Variants in ADGRL2 observed in about 807,000 individuals in gnomAD.
The protein encoded by ADGRL2 is calcium-independent alpha-latrotoxin receptor 2.
Under a neutral mutation model 157.4 loss-of-function variants are expected in ADGRL2, and 44 were observed. The ratio of observed to expected loss-of-function variants is 0.28; its 90% CI spans 0.22 to 0.36. The LOEUF (loss-of-function observed/expected upper bound fraction) is 0.36. Among genes scored for constraint, ADGRL2 ranks in the 10% least tolerant of loss-of-function variants. The probability of loss-of-function intolerance (pLI) is 1.00; values close to 1 mark genes in which losing one functional copy is unlikely to be tolerated. For synonymous variants in ADGRL2, 585 were observed against 624.7 expected, an observed-to-expected ratio of 0.94 and a Z score of 0.95; for missense variants, 1,510 against 1,768.9, an observed-to-expected ratio of 0.85 and a Z score of 2.63.
At chr1:81,684,477 A>G (rs1052134022) in intron 3 of ADGRL2, among the ~76,000 whole-genome samples, 1 of 151,522 alleles carries the variant, frequency 6.6e-6, no homozygotes, top group Admixed American at 6.6e-5. Context: ...TTTTGATGGG[A>G]TGGTTTGTTT....
In ADGRL2 at chr1:81,433,820, C is replaced by T. The variant is rs74963454; in HGVS notation, c.-301-11216C>T. Among the ~76,000 whole-genome samples the T allele has an allele frequency of 3.8e-3, 577 of 152,232 alleles. 1 individual carries two copies. The highest frequency in any genetic ancestry group is 0.017 in the Middle Eastern group (5 of 294). On this transcript the variant is annotated intron_variant, in intron 1 of 24. Coordinates refer to the ADGRL2 transcript ENST00000370721. ...TGTCCTCACTCAGGGTTCATAATTCCGGAGCAGTCAGATAGCAGCAGGAAC... is the reference window on the plus strand; with the variant it reads ...TGTCCTCACTCAGGGTTCATAATTCTGGAGCAGTCAGATAGCAGCAGGAAC...
intron 2 of ADGRL2, among the ~76,000 whole-genome samples, chr1:81,854,684 A>C (rs974719349): frequency 1.3e-5 from 2 of 152,166 alleles, no homozygotes; most frequent in Non-Finnish European, 2.9e-5. Flanking sequence ...TATGACACCT[A>C]AAGGGGAATC....
chr1:81,805,824 A>T (rs1296775892), intron 1 of ADGRL2, among the ~76,000 whole-genome samples: 2 of 152,206 alleles, frequency 1.3e-5, no homozygotes. Flanking sequence ...TGTTATAAAG[A>T]AAACAACATT....
chr1:81,612,662 C>G (rs966186933), intron 3 of ADGRL2, among the ~76,000 whole-genome samples: 10 of 151,480 alleles, frequency 6.6e-5, no homozygotes, highest in Non-Finnish European at 1.3e-4. Flanking sequence ...TATTTTCTGT[C>G]AGATGAGAAT....
At chr1:81,713,613 T>C (rs2084010479) in intron 1 of ADGRL2, among the ~76,000 whole-genome samples, 2 of 152,222 alleles carry the variant, frequency 1.3e-5, no homozygotes, top group South Asian at 4.1e-4. Flanking sequence ...AAGTTGATCT[T>C]ATTGTCCCCA....
intron 2 of ADGRL2, among the ~76,000 whole-genome samples, chr1:81,903,393 T>C (rs2094523621): frequency 6.6e-6 from 1 of 152,146 alleles, no homozygotes; most frequent in African/African-American, 2.4e-5. Context: ...ATAAATCTTG[T>C]TATTTTATCA....
intron 1 of ADGRL2, among the ~76,000 whole-genome samples, chr1:81,712,406 GA>G (rs2083960183): frequency 6.6e-6 from 1 of 152,090 alleles, no homozygotes; most frequent in Admixed American, 6.6e-5. Flanking sequence ...AACTAACACT[GA>G]AAAAAGGTGA....
intron 1 of ADGRL2, among the ~76,000 whole-genome samples, chr1:81,362,437 G>T: frequency 6.6e-6 from 1 of 151,608 alleles, no homozygotes; most frequent in African/African-American, 2.4e-5. Context: ...AGTTGGAAAT[G>T]CAAAGAAACT....
At chr1:81,776,917 A>G (rs2086610591) in intron 2 of ADGRL2, among the ~76,000 whole-genome samples, 1 of 152,202 alleles carries the variant, frequency 6.6e-6, no homozygotes, top group Admixed American at 6.5e-5. Flanking sequence ...TATTGCTAGC[A>G]GTAATTAACG....
At chr1:81,539,259 A>G (rs567519957) in intron 2 of ADGRL2, among the ~76,000 whole-genome samples, 1 of 151,828 alleles carries the variant, frequency 6.6e-6, no homozygotes, top group Admixed American at 6.6e-5. Flanking sequence ...CCTGTCCACT[A>G]AATTCCCTCC....
intron 1 of ADGRL2, among the ~76,000 whole-genome samples, chr1:81,397,822 T>C (rs1298465006): frequency 6.6e-6 from 1 of 152,208 alleles, no homozygotes; most frequent in Admixed American, 6.5e-5. Context: ...ATGTCTGGTA[T>C]TAGGTACATT....
At chr1:81,905,023 C>T (rs1041967129) in intron 2 of ADGRL2, among the ~76,000 whole-genome samples, 3 of 152,030 alleles carry the variant, frequency 2.0e-5, no homozygotes, top group Admixed American at 2.0e-4. Flanking sequence ...GATCTCTTTT[C>T]TCCAGTAGAT....
chr1:81,417,968 G>T (rs1161404138), intron 1 of ADGRL2, among the ~76,000 whole-genome samples: 1 of 152,112 alleles, frequency 6.6e-6, no homozygotes, highest in Non-Finnish European at 1.5e-5. Context: ...TTAAAAAAAT[G>T]TATTTTAAGG....
At chr1:81,856,892 A>G (rs1028044376) in intron 2 of ADGRL2, among the ~76,000 whole-genome samples, 3 of 152,162 alleles carry the variant, frequency 2.0e-5, no homozygotes, top group Non-Finnish European at 2.9e-5. Flanking sequence ...AATAATAAAC[A>G]TGTTTAATCA....
intron 3 of ADGRL2, among the ~76,000 whole-genome samples, chr1:81,687,759 G>T (rs1570836943): frequency 6.6e-6 from 1 of 152,152 alleles, no homozygotes; most frequent in South Asian, 2.1e-4. Context: ...TTGTTTTACA[G>T]GTCCTGGGTG....
chr1:81,811,689 A>G (rs2089888040), intron 1 of ADGRL2, among the ~76,000 whole-genome samples: 1 of 151,802 alleles, frequency 6.6e-6, no homozygotes, highest in African/African-American at 2.4e-5. Flanking sequence ...TTGAAATGAA[A>G]ATAGATTTTT....
chr1:81,668,283 G>A (rs992334577), intron 3 of ADGRL2, among the ~76,000 whole-genome samples: 1 of 151,956 alleles, frequency 6.6e-6, no homozygotes, highest in African/African-American at 2.4e-5. Context: ...AAATTAGTCG[G>A]ACATGGTGGA....
At chr1:81,831,420 T>G (rs2091936677) in intron 1 of ADGRL2, among the ~76,000 whole-genome samples, 1 of 152,194 alleles carries the variant, frequency 6.6e-6, no homozygotes, top group Non-Finnish European at 1.5e-5. Context: ...TCTTTTGGTG[T>G]TTCCTCACTT....
chr1:81,338,342 G>A (rs775963055), intron 1 of ADGRL2, among the ~76,000 whole-genome samples: 1 of 152,050 alleles, frequency 6.6e-6, no homozygotes, highest in East Asian at 1.9e-4. Flanking sequence ...CAGCCTGGGC[G>A]ACAGAGCAAG....
Sources: allele counts gnomAD v4.1 joint callset (sites outside exome capture counted in the v4.1 genomes callset), GRCh38; gene constraint gnomAD v4.1.1; transcripts MANE v1.5; gene names NCBI Gene and HGNC (gene_info 2026-07-23, HGNC 2026-07-21).